PPARA: variants seen among roughly 807,000 people sequenced by gnomAD.
PPARA encodes peroxisome proliferator activated receptor alpha, also known as peroxisome proliferator-activated receptor alpha.
PPARA carries 22 observed loss-of-function variants against 42.2 expected under a neutral mutation model. The ratio of observed to expected loss-of-function variants is 0.52; its 90% CI spans 0.37 to 0.74. The LOEUF is 0.74. PPARA is among the 30% of genes least tolerant of loss of function. The pLI, the probability that PPARA is intolerant of heterozygous loss-of-function variation, is 0.00. For synonymous variants in PPARA, 242 were observed against 239.3 expected, an observed-to-expected ratio of 1.01 and a Z score of -0.10; for missense variants, 465 against 608.2, an observed-to-expected ratio of 0.76 and a Z score of 2.48.
In PPARA at chr22:46,222,174, C is replaced by T. The variant is rs1935057518; in HGVS notation, c.711+2160C>T. ...TTTCAGAGGCAGCCAAATTGCCCCT[C>T]ATGGTTCGTCCCCCACATCCCCGCC... On this transcript the variant is annotated intron_variant, in intron 7 of 8. Coordinates refer to ENST00000407236, the MANE Select transcript of PPARA (RefSeq NM_005036.6). This position sits in a 1 kb window ranked among gnomAD's most constrained non-coding sequence, Gnocchi z 5.9. Among the ~76,000 whole-genome samples, 1 of 152,122 alleles carries T rather than the reference C, an allele frequency of 6.6e-6. No individual in the cohort carries two copies. Among genetic ancestry groups the T allele is most frequent in the African/African-American group, 2.4e-5 (1 of 41,414 alleles).
Position 46,190,942 on chromosome 22 carries a change from G to T in PPARA, c.-42-7400G>T, listed in dbSNP as rs567184823. Among the ~76,000 whole-genome samples the T allele has an allele frequency of 6.6e-6, 1 of 152,182 alleles. No individual in the cohort carries two copies. Among genetic ancestry groups the T allele is most frequent in the South Asian group, 2.1e-4 (1 of 4,832 alleles). ...ACAGTGGCTCATGCCTGTAATCCCA[G>T]CACTTTGGGAGGCCGAGGTGGGCGG... On this transcript the variant is annotated intron_variant, in intron 3 of 8. Coordinates refer to ENST00000407236, the MANE Select transcript of PPARA (RefSeq NM_005036.6). This position sits in a 1 kb window ranked among gnomAD's most constrained non-coding sequence, Gnocchi z 5.6.
chr22:46,196,405 A>T lies in PPARA; in HGVS notation c.-42-1937A>T, dbSNP rs1932238000. On this transcript the variant is annotated intron_variant, in intron 3 of 8. Transcript: ENST00000407236. This position sits in a 1 kb window ranked among gnomAD's most constrained non-coding sequence, Gnocchi z 5.6. The stretch of plus-strand genomic sequence containing the variant: ...GGGAGAGCACACCAAAGTGGATGTC[A>T]CACCCAGCACACATGCCACCGGCTT... 6.6e-6 allele frequency among the ~76,000 whole-genome samples: 1 copy of T among 152,176 alleles called. No individual in the cohort carries two copies. The highest frequency in any genetic ancestry group is 6.5e-5 in the Admixed American group (1 of 15,278).
chr22:46,198,895 A>G (rs1055314929), intron 4 of PPARA, among the ~76,000 whole-genome samples: 1 of 151,986 alleles, frequency 6.6e-6, no homozygotes, highest in Non-Finnish European at 1.5e-5. Context: ...TCCTGACCTC[A>G]TGATCTGCCC....
At position 46,195,156 on chromosome 22, in the gene PPARA, G is replaced by A. The variant is rs1932080835; in HGVS notation, c.-42-3186G>A. ...GACCTTAAGTGATCTGCCCGCCTCA[G>A]CCTCCCAAAGTGCTGGGATTACAGG... On this transcript the variant is annotated intron_variant, in intron 3 of 8. Coordinates refer to ENST00000407236, the MANE Select transcript of PPARA (RefSeq NM_005036.6). The surrounding 1 kb of genome is among the most constrained non-coding windows in gnomAD (Gnocchi z 4.6). Among the ~76,000 whole-genome samples, 1 of 152,088 alleles carries A rather than the reference G, an allele frequency of 6.6e-6. No individual in the cohort carries two copies. The highest frequency in any genetic ancestry group is 1.5e-5 in the Non-Finnish European group (1 of 67,996).
chr22:46,192,660 A>T lies in PPARA; in HGVS notation c.-42-5682A>T, dbSNP rs1273697257. On this transcript the variant is annotated intron_variant, in intron 3 of 8. Coordinates refer to ENST00000407236, the MANE Select transcript of PPARA (RefSeq NM_005036.6). This position sits in a 1 kb window ranked among gnomAD's most constrained non-coding sequence, Gnocchi z 4.3. ...ACATTTAAATTGGAAGGGAAATGTC[A>T]AAAAGATACCTGCACTCTTGTTTGT... Among the ~76,000 whole-genome samples the T allele has an allele frequency of 6.6e-6, 1 of 152,226 alleles. No individual in the cohort carries two copies. The highest frequency in any genetic ancestry group is 1.5e-5 in the Non-Finnish European group (1 of 68,036).
chr22:46,185,046 C>A (rs1930475900), intron 3 of PPARA, among the ~76,000 whole-genome samples: 1 of 152,112 alleles, frequency 6.6e-6, no homozygotes, highest in African/African-American at 2.4e-5. Flanking sequence ...TCATGCCCAT[C>A]ATTTCTGAGA....
At position 46,225,151 on chromosome 22, in the gene PPARA, G is replaced by C. The variant is rs963423574; in HGVS notation, c.711+5137G>C. 2.0e-5 allele frequency among the ~76,000 whole-genome samples: 3 copies of C among 152,136 alleles called. No homozygotes were observed. Among genetic ancestry groups the C allele is most frequent in the African/African-American group, 7.2e-5 (3 of 41,426 alleles). On this transcript the variant is annotated intron_variant, in intron 7 of 8. Transcript: ENST00000407236. This position sits in a 1 kb window ranked among gnomAD's most constrained non-coding sequence, Gnocchi z 4.1. ...AAAGGTGGGCTTTAGCTGAGGGAAG[G>C]AGTGAGGGGTGGATGGAGAATGTCT... is the stretch of plus-strand genomic sequence containing the variant.
intron 3 of PPARA, among the ~76,000 whole-genome samples, chr22:46,185,768 G>A (rs1002353002): frequency 4.0e-5 from 6 of 148,268 alleles, no homozygotes; most frequent in Non-Finnish European, 7.5e-5. Context: ...GGTGGCAGCC[G>A]CCTGTAATTC....
Position 46,195,006 on chromosome 22 carries a change from G to A in PPARA, c.-42-3336G>A, listed in dbSNP as rs1383007269. On this transcript the variant is annotated intron_variant, in intron 3 of 8. Transcript: ENST00000407236. This position sits in a 1 kb window ranked among gnomAD's most constrained non-coding sequence, Gnocchi z 4.6. ...CAACCTCCACCTCCTGGGTTCAAGC[G>A]ATTCTCTTGCCTCAGTCTCCTGAGT... Among the ~76,000 whole-genome samples, 2 of 149,116 alleles carry A rather than the reference G, an allele frequency of 1.3e-5. No individual in the cohort carries two copies. The highest frequency in any genetic ancestry group is 2.1e-4 in the South Asian group (1 of 4,764).
At position 46,235,297 on chromosome 22, in the gene PPARA, C is replaced by T; in HGVS notation, c.1324C>T (p.Gln442Ter). 1 of 1,614,108 alleles carries T rather than the reference C, an allele frequency of 6.2e-7. No homozygotes were observed. Among genetic ancestry groups the T allele is most frequent in the Non-Finnish European group, 8.5e-7 (1 of 1,180,040 alleles). ...DLRQLVTEHA[Q>*]LVQIIKKTES... Reference sequence around the variant, plus strand: ...CCGGCAGCTGGTGACGGAGCATGCGCAGCTGGTGCAGATCATCAAGAAGAC... The same window carrying T: ...CCGGCAGCTGGTGACGGAGCATGCGTAGCTGGTGCAGATCATCAAGAAGAC... Residue 442 changes from glutamine (Q) to a stop codon, truncating the protein, a stop_gained, in exon 9 of 9, where the codon CAG becomes TAG. Coordinates refer to ENST00000407236, the MANE Select transcript of PPARA (RefSeq NM_005036.6). LOFTEE classifies it high-confidence loss of function. The surrounding 1 kb of genome is among the most constrained non-coding windows in gnomAD (Gnocchi z 7.0).
chr22:46,202,617 T>C (rs1932896045), intron 4 of PPARA, among the ~76,000 whole-genome samples: 1 of 152,028 alleles, frequency 6.6e-6, no homozygotes, highest in African/African-American at 2.4e-5. Flanking sequence ...GTGCACCTCT[T>C]AAGCTTAAGG....
chr22:46,227,557 T>C lies in PPARA; in HGVS notation c.712-4235T>C, dbSNP rs1291609978. On this transcript the variant is annotated intron_variant, in intron 7 of 8. Transcript: ENST00000407236. The surrounding 1 kb of genome is among the most constrained non-coding windows in gnomAD (Gnocchi z 4.3). The stretch of plus-strand genomic sequence containing the variant: ...ATGAGCTACTGCGCCTGGTCCACAT[T>C]TAATTTTTTGCAAAAAGATGACAGC... Among the ~76,000 whole-genome samples the C allele has an allele frequency of 6.6e-6, 1 of 152,164 alleles. No individual in the cohort carries two copies. Among genetic ancestry groups the C allele is most frequent in the African/African-American group, 2.4e-5 (1 of 41,450 alleles).
chr22:46,176,566 T>A (rs1414223045), intron 2 of PPARA, among the ~76,000 whole-genome samples, 187 bp from the exon 3 acceptor site: 1 of 152,216 alleles, frequency 6.6e-6, no homozygotes, highest in Non-Finnish European at 1.5e-5. Context: ...TGGCTTCAAT[T>A]CTTTTAAATT....
Position 46,160,265 on chromosome 22 carries a change from G to T in PPARA, c.-127+8295G>T, listed in dbSNP as rs1052815542. Among the ~76,000 whole-genome samples, 5 of 152,316 alleles carry T rather than the reference G, an allele frequency of 3.3e-5. No homozygotes were observed. The highest frequency in any genetic ancestry group is 2.1e-4 in the South Asian group (1 of 4,822). On this transcript the variant is annotated intron_variant, in intron 2 of 8. Coordinates refer to ENST00000407236, the MANE Select transcript of PPARA (RefSeq NM_005036.6). The surrounding 1 kb of genome is among the most constrained non-coding windows in gnomAD (Gnocchi z 4.5). ...GAACAGAGAATGTGAAGAGTATTTA[G>T]CAGGATGCCAATATAAGAAATCTAT...
rs1011233254 is a variant in PPARA, at chr22:46,196,439, G to A, written c.-42-1903G>A. ...ACACATGCCACCGGCTTGGCCCTGC[G>A]CCCCGCAGCCTGAGCCACACTGGCT... On this transcript the variant is annotated intron_variant, in intron 3 of 8. Transcript: ENST00000407236. This position sits in a 1 kb window ranked among gnomAD's most constrained non-coding sequence, Gnocchi z 5.6. Among the ~76,000 whole-genome samples the A allele has an allele frequency of 4.6e-5, 7 of 152,156 alleles. No homozygotes were observed. Among genetic ancestry groups the A allele is most frequent in the Non-Finnish European group, 5.9e-5 (4 of 68,030 alleles).
intron 4 of PPARA, among the ~76,000 whole-genome samples, chr22:46,208,626 T>C (rs1447001229): frequency 3.3e-5 from 5 of 151,944 alleles, no homozygotes; most frequent in African/African-American, 1.2e-4. Context: ...GTCACCATAG[T>C]GGGTAGTAGA....
Position 46,237,016 on chromosome 22 carries a change from G to T in PPARA, c.*1636G>T, listed in dbSNP as rs572103036. 1.3e-5 allele frequency: 2 copies of T among 152,262 alleles called. No homozygotes were observed. Among genetic ancestry groups the T allele is most frequent in the East Asian group, 3.9e-4 (2 of 5,180 alleles). 9.4% of individuals were successfully genotyped at this position (152,262 alleles called of 1,614,324 possible). A position where few individuals can be genotyped will look rare whatever the true frequency, so the allele number is the denominator to read the frequency against. On this transcript the variant is annotated 3_prime_UTR_variant, in exon 9 of 9. Transcript: ENST00000407236. The surrounding 1 kb of genome is among the most constrained non-coding windows in gnomAD (Gnocchi z 6.7). The stretch of plus-strand genomic sequence containing the variant: ...TCTCTGTCCACCTGGTAGATAAATT[G>T]TCCTGTTGAGAATTTTTAGATCTGG...
At position 46,204,934 on chromosome 22, in the gene PPARA, C is replaced by G. The variant is rs900551770; in HGVS notation, c.208+6343C>G. The stretch of plus-strand genomic sequence containing the variant: ...CCAGGCTAGAGTGCAGTGGTGCGAT[C>G]ATGGCTTACTGCAGCCTTGACCTCT... On this transcript the variant is annotated intron_variant, in intron 4 of 8. Coordinates refer to ENST00000407236, the MANE Select transcript of PPARA (RefSeq NM_005036.6). This position sits in a 1 kb window ranked among gnomAD's most constrained non-coding sequence, Gnocchi z 5.2. 2.6e-5 allele frequency among the ~76,000 whole-genome samples: 4 copies of G among 152,020 alleles called. No individual in the cohort carries two copies. The highest frequency in any genetic ancestry group is 5.9e-5 in the Non-Finnish European group (4 of 68,002).
chr22:46,164,775 G>A (rs1926789254), intron 2 of PPARA: 1 of 152,174 alleles, frequency 6.6e-6, no homozygotes, highest in Non-Finnish European at 1.5e-5. Context: ...AATTTTATTA[G>A]TGTTTTAATG....
Sources: allele counts gnomAD v4.1 joint callset (sites outside exome capture counted in the v4.1 genomes callset), GRCh38; gene constraint gnomAD v4.1.1; non-coding constraint Gnocchi (gnomAD v3.1); transcripts MANE v1.5; gene names NCBI Gene and HGNC (gene_info 2026-07-23, HGNC 2026-07-21).